IQCM: variants seen among roughly 807,000 people sequenced by gnomAD.
The protein encoded by IQCM is IQ motif containing M, also known as IQ domain-containing protein M.
Under a neutral mutation model 57.6 loss-of-function variants are expected in IQCM, and 45 were observed. That is an observed-to-expected ratio of 0.78 (90% confidence interval 0.62 to 1.00). IQCM has a LOEUF of 1.00. Ranked by LOEUF, IQCM falls within the 50% of genes least tolerant of loss-of-function variation. The probability of loss-of-function intolerance (pLI) is 0.00; values close to 1 mark genes in which losing one functional copy is unlikely to be tolerated. For missense variants in IQCM, 468 were observed against 511.6 expected (o/e 0.91, Z 0.82); for synonymous variants, 148 against 158.9 (o/e 0.93, Z 0.51).
At chr4:149,376,667 C>T (rs888105439) in intron 13 of IQCM, among the ~76,000 whole-genome samples, 3 of 152,072 alleles carry the variant, frequency 2.0e-5, no homozygotes, top group African/African-American at 7.2e-5. Flanking sequence ...TATTTTATGA[C>T]TCTAACATGA....
At chr4:149,704,563 G>C (rs993084530) in intron 5 of IQCM, among the ~76,000 whole-genome samples, 2 of 151,706 alleles carry the variant, frequency 1.3e-5, no homozygotes, top group African/African-American at 4.8e-5. Flanking sequence ...ATTAATTTCA[G>C]GGTACTTATG....
chr4:149,775,276 C>G (rs1462268154), intron 2 of IQCM, among the ~76,000 whole-genome samples: 1 of 151,864 alleles, frequency 6.6e-6, no homozygotes, highest in Non-Finnish European at 1.5e-5. Context: ...AAGCAAATGT[C>G]TCACAATATG....
chr4:149,380,927 A>G (rs2111032252), intron 13 of IQCM, among the ~76,000 whole-genome samples: 1 of 152,268 alleles, frequency 6.6e-6, no homozygotes, highest in East Asian at 1.9e-4. Flanking sequence ...AGTTTCTTTA[A>G]TATCCAGAGT....
At chr4:149,673,293 G>A (rs1311122848) in intron 7 of IQCM, among the ~76,000 whole-genome samples, 1 of 152,048 alleles carries the variant, frequency 6.6e-6, no homozygotes, top group Admixed American at 6.6e-5. Flanking sequence ...AAATGTAAAT[G>A]GGCTAAATGC....
At chr4:149,402,625 C>T (rs1365083316) in intron 13 of IQCM, among the ~76,000 whole-genome samples, 1 of 151,614 alleles carries the variant, frequency 6.6e-6, no homozygotes, top group African/African-American at 2.4e-5. Flanking sequence ...TTTTTTGTGA[C>T]ATAATCATGT....
rs563096104 is a variant in IQCM at position 149,656,773 on chromosome 4, A to G, written c.565+25345T>C. Among the ~76,000 whole-genome samples the G allele has an allele frequency of 1.1e-3, 162 of 152,222 alleles. 2 individuals are homozygous for G. The highest frequency in any genetic ancestry group is 1.7e-3 in the Non-Finnish European group (115 of 68,006). On this transcript the variant is annotated intron_variant, in intron 7 of 13. Transcript: ENST00000636793. Reference sequence around the variant, plus strand: ...GGTACGTAGGGCGGAATTCTCTTACAAGCCTTGAGAGAAAATGAACTGGAC... The same window carrying G: ...GGTACGTAGGGCGGAATTCTCTTACGAGCCTTGAGAGAAAATGAACTGGAC...
intron 12 of IQCM, among the ~76,000 whole-genome samples, chr4:149,460,874 T>G (rs1342553247): frequency 6.6e-6 from 1 of 152,054 alleles, no homozygotes; most frequent in Non-Finnish European, 1.5e-5. Context: ...TTTTCAAAGA[T>G]CCCATTGGTC....
chr4:149,643,068 C>T (rs1758338507), intron 7 of IQCM, among the ~76,000 whole-genome samples: 1 of 151,860 alleles, frequency 6.6e-6, no homozygotes, highest in Admixed American at 6.6e-5. Context: ...ACATTATTTA[C>T]CGCAGTTACA....
chr4:149,684,970 T>G (rs1762446961), intron 6 of IQCM, among the ~76,000 whole-genome samples: 1 of 151,408 alleles, frequency 6.6e-6, no homozygotes, highest in Admixed American at 6.6e-5. Context: ...TTGATCTTCC[T>G]CATTAAGCAG....
intron 2 of IQCM, among the ~76,000 whole-genome samples, chr4:149,743,258 C>T (rs1188845246): frequency 6.6e-6 from 1 of 152,106 alleles, no homozygotes. Flanking sequence ...GCCTTGACCT[C>T]TCATCTATAT....
intron 13 of IQCM, among the ~76,000 whole-genome samples, chr4:149,377,783 C>T (rs1214598298): frequency 1.3e-5 from 2 of 152,092 alleles, no homozygotes. Flanking sequence ...TGAAATCAGC[C>T]ATATTGGGAG....
At chr4:149,554,785 C>A (rs1403660384) in intron 10 of IQCM, among the ~76,000 whole-genome samples, 1 of 151,552 alleles carries the variant, frequency 6.6e-6, no homozygotes. Flanking sequence ...CTGCAAGCTC[C>A]ACCTCCCGGG....
intron 11 of IQCM, among the ~76,000 whole-genome samples, chr4:149,552,835 T>C (rs1348904293): frequency 6.6e-6 from 1 of 152,246 alleles, no homozygotes; most frequent in Non-Finnish European, 1.5e-5. Flanking sequence ...CCTTATTTCC[T>C]GCTCCCTAGA....
At position 149,578,817 on chromosome 4, in the gene IQCM, G is replaced by C. The variant is rs535922265; in HGVS notation, c.749+9113C>G. Among the ~76,000 whole-genome samples, 61 of 151,966 alleles carry C rather than the reference G, an allele frequency of 4.0e-4. 2 individuals carry two copies. The highest frequency in any genetic ancestry group is 1.4e-3 in the African/African-American group (58 of 41,524). On this transcript the variant is annotated intron_variant, in intron 9 of 13. Transcript: ENST00000636793. ...TCCAAAAGACTGGGGAGACCCCCAA[G>C]CGGGAACACACAGAATGATGGTCAG... is the stretch of plus-strand genomic sequence containing the variant.
chr4:149,654,776 T>C (rs1759495682), intron 7 of IQCM, among the ~76,000 whole-genome samples: 1 of 152,190 alleles, frequency 6.6e-6, no homozygotes, highest in Non-Finnish European at 1.5e-5. Flanking sequence ...CTACAAGCTA[T>C]GTACATCTAT....
intron 12 of IQCM, among the ~76,000 whole-genome samples, chr4:149,481,903 A>C (rs922467531): frequency 1.7e-5 from 2 of 115,576 alleles, no homozygotes; most frequent in Admixed American, 1.9e-4. Context: ...CAATGCATTA[A>C]CATGGAGTAT....
intron 7 of IQCM, among the ~76,000 whole-genome samples, chr4:149,635,810 A>T (rs1757669237): frequency 2.6e-5 from 4 of 152,122 alleles, no homozygotes; most frequent in Admixed American, 2.6e-4. Context: ...ATAGTTCATT[A>T]TTCTATAAAT....
intron 10 of IQCM, among the ~76,000 whole-genome samples, chr4:149,559,299 C>G (rs1749895450): frequency 3.3e-5 from 5 of 152,176 alleles, no homozygotes; most frequent in African/African-American, 9.7e-5. Context: ...CATCCGTTCT[C>G]AGACACCAAG....
chr4:149,653,900 AT>A (rs1376163015), intron 7 of IQCM, among the ~76,000 whole-genome samples: 2 of 152,258 alleles, frequency 1.3e-5, no homozygotes, highest in South Asian at 2.1e-4. Context: ...TGGGAAAAAA[AT>A]GTACTATATT....
Sources: gnomAD v4.1 joint callset for allele counts (sites outside exome capture counted in the v4.1 genomes callset) on GRCh38, gnomAD v4.1.1 for gene constraint, MANE v1.5 for transcripts, NCBI Gene and HGNC (gene_info 2026-07-23, HGNC 2026-07-21) for gene names.